DPP10: variants seen among roughly 807,000 people sequenced by gnomAD.
DPP10 encodes dipeptidyl peptidase like 10.
A neutral mutation model predicts 120.9 loss-of-function variants in DPP10; 33 were observed. The observed-to-expected ratio is 0.27, with a 90% confidence interval of 0.21 to 0.37. DPP10 has a LOEUF of 0.37. DPP10 is among the 10% of genes least tolerant of loss of function. DPP10 has a pLI of 1.00. For missense variants in DPP10, 816 were observed against 942.8 expected (o/e 0.87, Z 1.76); for synonymous variants, 337 against 326.1 (o/e 1.03, Z -0.36).
intron 1 of DPP10, among the ~76,000 whole-genome samples, chr2:114,641,965 C>G (rs1441257613): frequency 6.6e-6 from 1 of 151,780 alleles, no homozygotes; most frequent in Non-Finnish European, 1.5e-5. Flanking sequence ...AAAAATCACT[C>G]AATGCATCAT....
intron 1 of DPP10, among the ~76,000 whole-genome samples, chr2:115,102,774 A>AG (rs1342769500): frequency 2.6e-5 from 4 of 151,466 alleles, no homozygotes; most frequent in African/African-American, 9.7e-5. Context: ...AAGAAAAAAA[A>AG]AACTCCTTTT....
chr2:114,997,925 TAATAC>T (rs1209500894), intron 1 of DPP10, among the ~76,000 whole-genome samples: 1 of 152,212 alleles, frequency 6.6e-6, no homozygotes, highest in East Asian at 1.9e-4. Context: ...CCTATACACT[TAATAC>T]ACATAGTTTG....
At chr2:115,065,205 G>A (rs1210771885) in intron 1 of DPP10, among the ~76,000 whole-genome samples, 1 of 152,114 alleles carries the variant, frequency 6.6e-6, no homozygotes, top group African/African-American at 2.4e-5. Context: ...GAGCTCACTA[G>A]TTTCCTTTAT....
intron 1 of DPP10, among the ~76,000 whole-genome samples, chr2:115,253,175 G>T (rs1055565326): frequency 1.3e-5 from 2 of 152,052 alleles, no homozygotes; most frequent in Non-Finnish European, 2.9e-5. Flanking sequence ...GAGAGGGAGT[G>T]GGGGAGGTGC....
At chr2:114,975,684 T>C (rs974851795) in intron 1 of DPP10, among the ~76,000 whole-genome samples, 1 of 152,210 alleles carries the variant, frequency 6.6e-6, no homozygotes, top group Non-Finnish European at 1.5e-5. Flanking sequence ...GGAGTCTCAC[T>C]CTGTCACACA....
chr2:115,698,988 C>A (rs1575554343), intron 7 of DPP10, among the ~76,000 whole-genome samples: 2 of 81,928 alleles, frequency 2.4e-5, no homozygotes, highest in African/African-American at 4.0e-5. Context: ...TCAAAAAAAT[C>A]AACTAAATTG....
intron 1 of DPP10, among the ~76,000 whole-genome samples, chr2:114,547,340 T>C (rs886720710): frequency 1.3e-5 from 2 of 152,190 alleles, no homozygotes; most frequent in African/African-American, 2.4e-5. Flanking sequence ...AGGGTCTGGA[T>C]GCAGGCATGG....
chr2:115,082,837 C>T (rs1009685012), intron 1 of DPP10, among the ~76,000 whole-genome samples: 13 of 152,152 alleles, frequency 8.5e-5, no homozygotes, highest in African/African-American at 2.2e-4. Context: ...CCTAGGAATT[C>T]GTGAGCTAAA....
At chr2:114,686,409 A>G (rs1456220364) in intron 1 of DPP10, among the ~76,000 whole-genome samples, 1 of 151,934 alleles carries the variant, frequency 6.6e-6, no homozygotes, top group Non-Finnish European at 1.5e-5. Context: ...ACAAAACTCT[A>G]TGATACTTCA....
chr2:115,293,450 G>A (rs971928953), intron 1 of DPP10, among the ~76,000 whole-genome samples: 3 of 152,098 alleles, frequency 2.0e-5, no homozygotes, highest in Admixed American at 1.3e-4. Flanking sequence ...TTCTATAGAT[G>A]TATTCAGTTA....
At chr2:115,389,752 T>C (rs1324492715) in intron 3 of DPP10, among the ~76,000 whole-genome samples, 5 of 152,172 alleles carry the variant, frequency 3.3e-5, no homozygotes, top group Non-Finnish European at 7.4e-5. Context: ...CTTGAGAACA[T>C]ACTCACAAAA....
chr2:114,775,808 A>G (rs760576173), intron 1 of DPP10, among the ~76,000 whole-genome samples: 5 of 152,204 alleles, frequency 3.3e-5, no homozygotes, highest in Non-Finnish European at 7.3e-5. Flanking sequence ...GCATAAATAT[A>G]TCTTGAGTAT....
chr2:115,380,112 A>C (rs1224813331), intron 3 of DPP10, among the ~76,000 whole-genome samples: 1 of 151,852 alleles, frequency 6.6e-6, no homozygotes, highest in Non-Finnish European at 1.5e-5. Context: ...ATCCTTGTTG[A>C]CTTTCTGTCT....
chr2:114,770,113 A>T (rs1437962874), intron 1 of DPP10, among the ~76,000 whole-genome samples: 1 of 152,168 alleles, frequency 6.6e-6, no homozygotes, highest in Non-Finnish European at 1.5e-5. Context: ...TGATTCTAAA[A>T]GACAAAGAGA....
At chr2:114,670,069 G>A (rs1427318469) in intron 1 of DPP10, among the ~76,000 whole-genome samples, 2 of 152,134 alleles carry the variant, frequency 1.3e-5, no homozygotes, top group Non-Finnish European at 2.9e-5. Context: ...TACACTGTTG[G>A]TGGGACTGTA....
At chr2:114,618,968 G>A (rs1558937700) in intron 1 of DPP10, among the ~76,000 whole-genome samples, 1 of 151,936 alleles carries the variant, frequency 6.6e-6, no homozygotes, top group Non-Finnish European at 1.5e-5. Flanking sequence ...AGTCAAGTCT[G>A]GACATTATCA....
At chr2:114,617,016 T>C (rs952915533) in intron 1 of DPP10, among the ~76,000 whole-genome samples, 2 of 152,118 alleles carry the variant, frequency 1.3e-5, no homozygotes, top group Admixed American at 6.6e-5. Context: ...GGGATAGAGA[T>C]AGAAATTAAA....
intron 13 of DPP10, among the ~76,000 whole-genome samples, chr2:115,771,318 C>A (rs1453925446): frequency 6.6e-6 from 1 of 152,110 alleles, no homozygotes; most frequent in African/African-American, 2.4e-5. Flanking sequence ...AGGTGATCCA[C>A]CTGCTTCAGC....
intron 1 of DPP10, among the ~76,000 whole-genome samples, chr2:114,706,807 G>A (rs1700715241): frequency 1.3e-5 from 2 of 152,194 alleles, no homozygotes; most frequent in South Asian, 4.1e-4. Flanking sequence ...CAGTGGAGGA[G>A]CAGAGTTTCT....
Sources: allele counts gnomAD v4.1 joint callset (sites outside exome capture counted in the v4.1 genomes callset), GRCh38; gene constraint gnomAD v4.1.1; transcripts MANE v1.5; gene names NCBI Gene and HGNC (gene_info 2026-07-23, HGNC 2026-07-21).